SH3PXD2A: variants seen among roughly 807,000 people sequenced by gnomAD.
The protein encoded by SH3PXD2A is SH3 and PX domains 2A.
SH3PXD2A carries 32 observed loss-of-function variants against 115.2 expected under a neutral mutation model. That is an observed-to-expected ratio of 0.28 (90% CI 0.21 to 0.37). The LOEUF (loss-of-function observed/expected upper bound fraction) is 0.37, where lower values mean the gene tolerates loss of function less well. Among genes scored for constraint, SH3PXD2A ranks in the 10% least tolerant of loss-of-function variants. The pLI is 1.00. For missense variants in SH3PXD2A, 1,328 were observed against 1,498.7 expected, an observed-to-expected ratio of 0.89 and a Z score of 1.88; for synonymous variants, 610 against 629.1, an observed-to-expected ratio of 0.97 and a Z score of 0.45.
Position 103,782,943 on chromosome 10 carries a change from G to A in SH3PXD2A, c.154-15774C>T, listed in dbSNP as rs372903113. Among the ~76,000 whole-genome samples the A allele has an allele frequency of 7.5e-3, 1,143 of 151,552 alleles. 12 individuals are homozygous for A. Among genetic ancestry groups the A allele is most frequent in the Middle Eastern group, 0.024 (7 of 292 alleles). ...AATGAATGCATGCCTTGGGGGGGGG[G>A]GCTCTCTGATTCTATGAGAGGTGCC... On this transcript the variant is annotated intron_variant, in intron 2 of 14. Coordinates refer to ENST00000369774, the MANE Select transcript of SH3PXD2A (RefSeq NM_001394015.1).
intron 3 of SH3PXD2A, among the ~76,000 whole-genome samples, chr10:103,758,826 C>T (rs1021273041): frequency 6.6e-5 from 10 of 152,142 alleles, no homozygotes; most frequent in African/African-American, 2.4e-4. Context: ...CTTTTTAAAC[C>T]CCAGAATTAC....
At chr10:103,729,330 G>A (rs2038285980) in intron 4 of SH3PXD2A, among the ~76,000 whole-genome samples, 2 of 152,244 alleles carry the variant, frequency 1.3e-5, no homozygotes, top group Admixed American at 1.3e-4. Context: ...GTGACGCCCT[G>A]TGGAACACAG....
chr10:103,739,871 G>T (rs1047174343), intron 3 of SH3PXD2A, among the ~76,000 whole-genome samples: 1 of 152,218 alleles, frequency 6.6e-6, no homozygotes, highest in Non-Finnish European at 1.5e-5. Context: ...GGGCTGGGGT[G>T]AGACCAGCGA....
At chr10:103,721,309 A>G (rs1373260247) in intron 5 of SH3PXD2A, among the ~76,000 whole-genome samples, 3 of 152,274 alleles carry the variant, frequency 2.0e-5, no homozygotes, top group African/African-American at 7.2e-5. Context: ...CATTGAGCAA[A>G]TGGCCAAAGA....
intron 5 of SH3PXD2A, 130 bp downstream of exon 5, chr10:103,724,140 G>A (rs1479452206): frequency 4.3e-6 from 2 of 464,738 alleles, no homozygotes; most frequent in East Asian, 3.6e-5. Context: ...TTGGACCACT[G>A]TTCTTTAGCC....
Position 103,599,066 on chromosome 10 carries a change from A to G in SH3PXD2A, c.*2750T>C, listed in dbSNP as rs924293414. The stretch of plus-strand genomic sequence containing the variant: ...TGTAAACATGACCACACAATAAACT[A>G]TAATGGCAGTGAGGAGGAGCACGGG... On this transcript the variant is annotated 3_prime_UTR_variant, in exon 15 of 15. Transcript: ENST00000369774. 2.0e-5 allele frequency: 3 copies of G among 152,472 alleles called. No individual in the cohort carries two copies. The highest frequency in any genetic ancestry group is 7.2e-5 in the African/African-American group (3 of 41,398). 9.4% of individuals were successfully genotyped at this position (152,472 alleles called of 1,614,324 possible). A position where few individuals can be genotyped will look rare whatever the true frequency, so the allele number is the denominator to read the frequency against.
Position 103,663,044 on chromosome 10 carries a change from A to T in SH3PXD2A, c.473-1930T>A, listed in dbSNP as rs1160447507. Reference sequence around the variant, plus strand: ...GGTCTTGAACTCCTGGGCTCAAGTGATCCTCCCGCCTCAGTCTCTCAAAGT... The same window carrying T: ...GGTCTTGAACTCCTGGGCTCAAGTGTTCCTCCCGCCTCAGTCTCTCAAAGT... On this transcript the variant is annotated intron_variant, in intron 7 of 14. Transcript: ENST00000369774. Among the ~76,000 whole-genome samples, 4 of 152,178 alleles carry T rather than the reference A, an allele frequency of 2.6e-5. No individual in the cohort carries two copies. The East Asian group carries it at 7.7e-4, about 29-fold the overall frequency.
In SH3PXD2A at chr10:103,620,823, G is replaced by A. The variant is rs541124416; in HGVS notation, c.802+1647C>T. 3.3e-5 allele frequency among the ~76,000 whole-genome samples: 5 copies of A among 152,346 alleles called. No homozygotes were observed. Among genetic ancestry groups the A allele is most frequent in the African/African-American group, 9.6e-5 (4 of 41,566 alleles). ...CGTATTTGTGTCTCCACATATCACTGTATGTCTGTGACTGGCATATATGTG... is the reference window on the plus strand; with the variant it reads ...CGTATTTGTGTCTCCACATATCACTATATGTCTGTGACTGGCATATATGTG... On this transcript the variant is annotated intron_variant, in intron 10 of 14. Transcript: ENST00000369774. The surrounding 1 kb of genome is among the most constrained non-coding windows in gnomAD (Gnocchi z 5.3).
At chr10:103,690,870 C>A (rs936453400) in intron 6 of SH3PXD2A, among the ~76,000 whole-genome samples, 1 of 152,172 alleles carries the variant, frequency 6.6e-6, no homozygotes, top group Non-Finnish European at 1.5e-5. Flanking sequence ...AGCTGTCTGG[C>A]TTCAGAGCTG....
In SH3PXD2A at chr10:103,601,200, TTTC is replaced by T. The variant is rs2036209876; in HGVS notation, c.*613_*615del. ...CTTTGCTGGCACCTGGGAACTGCTT[TTTC>T]TTCAACTAACAGTGACAATGGCCTG... On this transcript the variant is annotated 3_prime_UTR_variant, in exon 15 of 15. Transcript: ENST00000369774. 6.6e-6 allele frequency: 1 copy of T among 152,256 alleles called. No homozygotes were observed. The highest frequency in any genetic ancestry group is 1.5e-5 in the Non-Finnish European group (1 of 68,082). The allele number at this position is 152,256 out of a possible 1,614,324, so 9.4% of individuals were successfully genotyped here.
In SH3PXD2A at chr10:103,665,641, C is replaced by T. The variant is rs904113033; in HGVS notation, c.472+2967G>A. Among the ~76,000 whole-genome samples the T allele has an allele frequency of 2.6e-5, 4 of 152,110 alleles. No individual in the cohort carries two copies. Among genetic ancestry groups the T allele is most frequent in the Non-Finnish European group, 5.9e-5 (4 of 68,014 alleles). ...TCCCTGGCCAGGGCAGCCGGGCGGG[C>T]GGGAGCTGCGAGCAGGTATCCAGAT... On this transcript the variant is annotated intron_variant, in intron 7 of 14. Coordinates refer to ENST00000369774, the MANE Select transcript of SH3PXD2A (RefSeq NM_001394015.1). The surrounding 1 kb of genome is among the most constrained non-coding windows in gnomAD (Gnocchi z 4.0).
chr10:103,596,462 C>T lies in SH3PXD2A; in HGVS notation c.*5354G>A, dbSNP rs2036132685. 6.6e-6 allele frequency: 1 copy of T among 152,556 alleles called. No individual in the cohort carries two copies. Among genetic ancestry groups the T allele is most frequent in the Admixed American group, 6.5e-5 (1 of 15,276 alleles). The allele number at this position is 152,556 out of a possible 1,614,324, so 9.5% of individuals were successfully genotyped here. On this transcript the variant is annotated 3_prime_UTR_variant, in exon 15 of 15. Coordinates refer to ENST00000369774, the MANE Select transcript of SH3PXD2A (RefSeq NM_001394015.1). ...AAAAAAAAATGACACATTGCACTCTCCAGCCAGAATGATGTGTGTGAATGA... is the reference window on the plus strand; with the variant it reads ...AAAAAAAAATGACACATTGCACTCTTCAGCCAGAATGATGTGTGTGAATGA...
intron 6 of SH3PXD2A, among the ~76,000 whole-genome samples, chr10:103,669,481 A>C (rs2037429172): frequency 6.6e-6 from 1 of 152,258 alleles, no homozygotes. Flanking sequence ...CTCTTGGTCT[A>C]ATCAATGGTT....
At chr10:103,617,131 C>G in intron 11 of SH3PXD2A, 66 bp downstream of exon 11, 6 of 1,167,284 alleles carry the variant, frequency 5.1e-6, no homozygotes, top group Non-Finnish European at 7.7e-6. Flanking sequence ...GCCATGGCCA[C>G]TTTGCACTCT....
Position 103,801,327 on chromosome 10 carries a change from G to C in SH3PXD2A, c.108C>G (p.Thr36=). 6.2e-7 allele frequency: 1 copy of C among 1,612,316 alleles called. No individual in the cohort carries two copies. The highest frequency in any genetic ancestry group is 8.5e-7 in the Non-Finnish European group (1 of 1,178,340). ...TGTACCTCCGGTAGATAGTCTGGGA[G>C]GTGGAGTCAGACCAGGTCACATTGA... The part of the protein sequence containing the change: ...YIINVTWSDS[T]SQTIYRRYSK... The change falls in exon 2 of 15, where the codon ACC becomes ACG. Residue 36 remains threonine (T), a synonymous_variant. Transcript: ENST00000369774.
chr10:103,767,532 G>T (rs747387464), intron 2 of SH3PXD2A, among the ~76,000 whole-genome samples: 5 of 152,148 alleles, frequency 3.3e-5, no homozygotes. Flanking sequence ...CTTCGTCTGT[G>T]GGGTGAATCC....
chr10:103,788,826 G>T (rs1402912185), intron 2 of SH3PXD2A, among the ~76,000 whole-genome samples: 1 of 152,074 alleles, frequency 6.6e-6, no homozygotes, highest in Non-Finnish European at 1.5e-5. Flanking sequence ...AGCTTGCAGT[G>T]AGCTGAGATC....
Position 103,855,233 on chromosome 10 carries a change from C to T in SH3PXD2A, c.34G>A (p.Val12Met). 6.5e-7 allele frequency: 1 copy of T among 1,538,910 alleles called. No homozygotes were observed. The highest frequency in any genetic ancestry group is 8.8e-7 in the Non-Finnish European group (1 of 1,140,958). ...GGGTTCCTCCGCTTCTCCACGTCCA[C>T]CACGGTGGCATCCTGCACGCAGTAG... Reference protein sequence around the residue: ...LAYCVQDATVVDVEKRRNPSK... With the variant: ...LAYCVQDATVMDVEKRRNPSK... Residue 12 changes from valine to methionine, a missense_variant, in exon 1 of 15, where the codon GTG becomes ATG. Physicochemically the swap from Val to Met is conservative, Grantham distance 21 (BLOSUM62 1). Coordinates refer to ENST00000369774, the MANE Select transcript of SH3PXD2A (RefSeq NM_001394015.1).
chr10:103,725,241 G>C (rs1219026047), intron 4 of SH3PXD2A, among the ~76,000 whole-genome samples: 2 of 152,206 alleles, frequency 1.3e-5, no homozygotes, highest in African/African-American at 4.8e-5. Flanking sequence ...AGGACCCAGA[G>C]CAAGGGAGAG....
Sources: allele counts gnomAD v4.1 joint callset (sites outside exome capture counted in the v4.1 genomes callset), GRCh38; gene constraint gnomAD v4.1.1; non-coding constraint Gnocchi (gnomAD v3.1); transcripts MANE v1.5; gene names NCBI Gene and HGNC (gene_info 2026-07-23, HGNC 2026-07-21).